Variants in PAN3 observed in about 807,000 individuals in gnomAD.
The protein encoded by PAN3 is PAN2-PAN3 deadenylation complex subunit PAN3.
A neutral mutation model predicts 96.2 loss-of-function variants in PAN3; 19 were observed. The observed-to-expected ratio is 0.20, with a 90% CI of 0.14 to 0.29. The LOEUF (loss-of-function observed/expected upper bound fraction) is 0.29, where lower values mean the gene tolerates loss of function less well. Ranked by LOEUF, PAN3 falls within the 10% of genes least tolerant of loss-of-function variation. PAN3 has a pLI of 1.00. For synonymous variants in PAN3, 433 were observed against 406.6 expected (o/e 1.06, Z -0.78); for missense variants, 882 against 1,108.1 (o/e 0.80, Z 2.90).
At position 28,175,892 on chromosome 13, in the gene PAN3, A is replaced by G. The variant is rs1165791083; in HGVS notation, c.553-601A>G. Among the ~76,000 whole-genome samples, 3 of 152,200 alleles carry G rather than the reference A, an allele frequency of 2.0e-5. No individual in the cohort carries two copies. In the East Asian group the frequency reaches 5.8e-4, roughly 29 times the overall value. ...GTTGAGTAAACAGATTCAGGACTCT[A>G]GAATTAAAGCCAGAGCTAGAAATTC... On this transcript the variant is annotated intron_variant, in intron 2 of 18. Transcript: ENST00000380958.
chr13:28,283,176 G>A (rs1020856655), intron 17 of PAN3, among the ~76,000 whole-genome samples: 1 of 151,954 alleles, frequency 6.6e-6, no homozygotes, highest in African/African-American at 2.4e-5. Flanking sequence ...AGCTTCCAGT[G>A]TAGCTGGGAT....
At chr13:28,196,340 CT>C (rs1878054973) in intron 4 of PAN3, among the ~76,000 whole-genome samples, 1 of 152,176 alleles carries the variant, frequency 6.6e-6, no homozygotes, top group Non-Finnish European at 1.5e-5. Flanking sequence ...AAGATGCAGT[CT>C]AGTGCAAATT....
intron 6 of PAN3, among the ~76,000 whole-genome samples, chr13:28,242,328 T>G (rs1025872848): frequency 3.4e-5 from 5 of 146,782 alleles, no homozygotes; most frequent in African/African-American, 5.5e-5. Flanking sequence ...TTTAGCATCT[T>G]GGTTGTTGGT....
chr13:28,290,623 A>G (rs956625495), intron 18 of PAN3, among the ~76,000 whole-genome samples: 11 of 152,214 alleles, frequency 7.2e-5, no homozygotes, highest in African/African-American at 2.7e-4. Flanking sequence ...CAGAGGTTGC[A>G]GTGAGCCGAG....
intron 6 of PAN3, among the ~76,000 whole-genome samples, chr13:28,226,496 T>G (rs1825711094): frequency 6.6e-6 from 1 of 152,170 alleles, no homozygotes. Context: ...TCTCACAAAT[T>G]GCTTAAGAAG....
At chr13:28,155,794 A>T (rs556755292) in intron 1 of PAN3, among the ~76,000 whole-genome samples, 5 of 152,226 alleles carry the variant, frequency 3.3e-5, no homozygotes, top group African/African-American at 1.2e-4. Flanking sequence ...TATTTGAAAT[A>T]TTTTTCGAAA....
chr13:28,275,553 A>C (rs1309166571), intron 14 of PAN3, among the ~76,000 whole-genome samples: 1 of 152,222 alleles, frequency 6.6e-6, no homozygotes, highest in African/African-American at 2.4e-5. Flanking sequence ...TTTGGATTGA[A>C]TCGCCCATAG....
At chr13:28,259,286 C>T (rs547774196) in intron 7 of PAN3, among the ~76,000 whole-genome samples, 1 of 151,748 alleles carries the variant, frequency 6.6e-6, no homozygotes, top group African/African-American at 2.4e-5. Context: ...TGCCACCAAG[C>T]CTGGCTAATT....
At position 28,146,703 on chromosome 13, in the gene PAN3, C is replaced by T. The variant is rs538410630; in HGVS notation, c.430+7616C>T. Among the ~76,000 whole-genome samples, 15 of 152,234 alleles carry T rather than the reference C, an allele frequency of 9.9e-5. No individual in the cohort carries two copies. In the East Asian group the frequency reaches 2.3e-3, roughly 23 times the overall value. On this transcript the variant is annotated intron_variant, in intron 1 of 18. Coordinates refer to ENST00000380958, the MANE Select transcript of PAN3 (RefSeq NM_175854.8). ...TATTAAAACATTTAAACAGGCCAGG[C>T]GCAGTGGCTCACACCTGTAATCCTG...
At chr13:28,241,770 G>A (rs1883687205) in intron 6 of PAN3, among the ~76,000 whole-genome samples, 1 of 152,128 alleles carries the variant, frequency 6.6e-6, no homozygotes, top group Non-Finnish European at 1.5e-5. Context: ...AGTATTTGTA[G>A]TAGTAGCGCA....
intron 6 of PAN3, among the ~76,000 whole-genome samples, chr13:28,254,063 C>A (rs1884953428): frequency 6.6e-6 from 1 of 152,166 alleles, no homozygotes; most frequent in Admixed American, 6.5e-5. Flanking sequence ...CAATGCTACA[C>A]ATAGCCCCAT....
At chr13:28,147,875 T>G (rs1870879128) in intron 1 of PAN3, among the ~76,000 whole-genome samples, 1 of 152,174 alleles carries the variant, frequency 6.6e-6, no homozygotes, top group Admixed American at 6.5e-5. Flanking sequence ...TCTTTTCTGA[T>G]ACCTCTTTTG....
chr13:28,215,902 T>G lies in PAN3; in HGVS notation c.853-4329T>G, dbSNP rs1184711521. Reference sequence around the variant, plus strand: ...AAATCTCAGAAGGCTAAATGAATATTATCCCTAATACCTGCCACTCTAGTC... The same window carrying G: ...AAATCTCAGAAGGCTAAATGAATATGATCCCTAATACCTGCCACTCTAGTC... On this transcript the variant is annotated intron_variant, in intron 5 of 18. Transcript: ENST00000380958. 3 of 1,273,078 alleles carry G rather than the reference T, an allele frequency of 2.4e-6. No individual in the cohort carries two copies. The East Asian group carries it at 6.9e-5, about 29-fold the overall frequency. The allele number at this position is 1,273,078 out of a possible 1,614,324, so 78.9% of individuals were successfully genotyped here. A position where few individuals can be genotyped will look rare whatever the true frequency, so the allele number is the denominator to read the frequency against.
At chr13:28,289,684 A>G (rs1480750785) in intron 18 of PAN3, among the ~76,000 whole-genome samples, 1 of 152,142 alleles carries the variant, frequency 6.6e-6, no homozygotes, top group Admixed American at 6.5e-5. Flanking sequence ...GATCGAGACC[A>G]TCCTGGCTAA....
At chr13:28,263,624 C>T (rs117550229) in intron 9 of PAN3, among the ~76,000 whole-genome samples, 2,028 of 152,264 alleles carry the variant, frequency 0.013, 13 homozygotes, top group Middle Eastern at 0.027. Context: ...AGCCACTGTG[C>T]TTCAGGCCAC....
intron 6 of PAN3, among the ~76,000 whole-genome samples, chr13:28,247,857 G>A (rs1884354187): frequency 6.6e-6 from 1 of 152,156 alleles, no homozygotes; most frequent in Non-Finnish European, 1.5e-5. Context: ...GCAAGTAGTA[G>A]ATGTCTCGTG....
chr13:28,213,722 G>C (rs1308156786), intron 5 of PAN3, among the ~76,000 whole-genome samples: 1 of 139,742 alleles, frequency 7.2e-6, no homozygotes, highest in Non-Finnish European at 1.5e-5. Flanking sequence ...AAAAAAAAAG[G>C]TTGGGGGATA....
At chr13:28,254,004 T>C (rs529233471) in intron 6 of PAN3, among the ~76,000 whole-genome samples, 52 of 152,196 alleles carry the variant, frequency 3.4e-4, no homozygotes, top group Non-Finnish European at 6.3e-4. Flanking sequence ...GATTCTACTT[T>C]TTGTCTCACT....
At position 28,266,749 on chromosome 13, in the gene PAN3, A is replaced by T; in HGVS notation, c.1446A>T (p.Leu482=). ...VPTEVDSYHS[L]FPLEPLPPPN... is the part of the protein sequence containing the mutation. ...CAGAGGTTGACAGCTACCATAGCCT[A>T]TTCCCTCTAGAACCACTGCCACCTC... Residue 482 remains leucine (L), a synonymous_variant, in exon 10 of 19, where the codon CTA becomes CTT. Coordinates refer to ENST00000380958, the MANE Select transcript of PAN3 (RefSeq NM_175854.8). The T allele has an allele frequency of 6.2e-7, 1 of 1,606,438 alleles. No individual in the cohort carries two copies. The highest frequency in any genetic ancestry group is 1.7e-5 in the Admixed American group (1 of 58,370).
Sources: gnomAD v4.1 joint callset for allele counts (sites outside exome capture counted in the v4.1 genomes callset) on GRCh38, gnomAD v4.1.1 for gene constraint, MANE v1.5 for transcripts, NCBI Gene and HGNC (gene_info 2026-07-23, HGNC 2026-07-21) for gene names.